HS6ST3: variants seen among roughly 807,000 people sequenced by gnomAD.
HS6ST3 encodes the protein heparan sulfate 6-O-sulfotransferase 3.
HS6ST3 carries 12 observed loss-of-function variants against 36.7 expected under a neutral mutation model. That is an observed-to-expected ratio of 0.33 (90% confidence interval 0.21 to 0.53). The LOEUF (loss-of-function observed/expected upper bound fraction) is 0.53, where lower values mean the gene tolerates loss of function less well. Among genes scored for constraint, HS6ST3 ranks in the 20% least tolerant of loss-of-function variants. HS6ST3 has a pLI of 0.95. For missense variants in HS6ST3, 584 were observed against 640.9 expected (o/e 0.91, Z 0.96); for synonymous variants, 240 against 257.5 (o/e 0.93, Z 0.65).
At chr13:96,199,642 T>A (rs1359540260) in intron 1 of HS6ST3, among the ~76,000 whole-genome samples, 1 of 152,230 alleles carries the variant, frequency 6.6e-6, no homozygotes, top group Non-Finnish European at 1.5e-5. Flanking sequence ...ATTGCATTTT[T>A]AATTTTAAAA....
chr13:96,178,763 G>C (rs187655410), intron 1 of HS6ST3, among the ~76,000 whole-genome samples: 364 of 152,206 alleles, frequency 2.4e-3, no homozygotes, highest in Middle Eastern at 0.017. Flanking sequence ...TTTCTTCATA[G>C]ATGGGGAGTA....
intron 1 of HS6ST3, among the ~76,000 whole-genome samples, chr13:96,107,142 A>C (rs1045822942): frequency 1.3e-5 from 2 of 152,188 alleles, no homozygotes; most frequent in African/African-American, 4.8e-5. Context: ...TGGGTGATAC[A>C]CAATAAGAAA....
In HS6ST3 at chr13:96,293,629, A is replaced by C. The variant is rs148239990; in HGVS notation, c.707+202060A>C. Among the ~76,000 whole-genome samples, 108 of 152,230 alleles carry C rather than the reference A, an allele frequency of 7.1e-4. 2 individuals carry two copies. Among genetic ancestry groups the C allele is most frequent in the African/African-American group, 2.5e-3 (104 of 41,566 alleles). ...TAGATTGTTGTTAATTCAGTATTTC[A>C]TAAGTATTACATATTTTTCCTTTAA... is the stretch of plus-strand genomic sequence containing the variant. On this transcript the variant is annotated intron_variant, in intron 1 of 1. Coordinates refer to ENST00000376705, the MANE Select transcript of HS6ST3 (RefSeq NM_153456.4).
At chr13:96,195,634 G>A (rs1210370453) in intron 1 of HS6ST3, among the ~76,000 whole-genome samples, 1 of 152,172 alleles carries the variant, frequency 6.6e-6, no homozygotes, top group Non-Finnish European at 1.5e-5. Flanking sequence ...TATAAGGATG[G>A]GAGTGAGCTC....
At chr13:96,423,920 A>G (rs752392166) in intron 1 of HS6ST3, among the ~76,000 whole-genome samples, 1 of 152,192 alleles carries the variant, frequency 6.6e-6, no homozygotes, top group Non-Finnish European at 1.5e-5. Context: ...TTCCCCAAAC[A>G]TGCGATTGTA....
At chr13:96,656,998 T>TGTGTGTGTGTGA (rs1397374817) in intron 1 of HS6ST3, among the ~76,000 whole-genome samples, 10 of 98,278 alleles carry the variant, frequency 1.0e-4, no homozygotes, top group South Asian at 4.4e-4. Flanking sequence ...TGTGTGTGTG[T>TGTGTGTGTGTGA]GAGAGAGAGA....
At chr13:96,437,210 C>G (rs2055647257) in intron 1 of HS6ST3, among the ~76,000 whole-genome samples, 1 of 152,196 alleles carries the variant, frequency 6.6e-6, no homozygotes. Context: ...CATGCACATC[C>G]AGATCAGGCC....
intron 1 of HS6ST3, among the ~76,000 whole-genome samples, chr13:96,254,493 A>G (rs1169937443): frequency 3.7e-5 from 1 of 27,264 alleles, no homozygotes; most frequent in African/African-American, 1.3e-4. Context: ...ATATATATAT[A>G]TATATACACA....
At chr13:96,121,825 C>G (rs1260078860) in intron 1 of HS6ST3, among the ~76,000 whole-genome samples, 1 of 152,120 alleles carries the variant, frequency 6.6e-6, no homozygotes. Flanking sequence ...AAGAGAAACT[C>G]ACAATATTAC....
At chr13:96,497,564 C>T in intron 1 of HS6ST3, among the ~76,000 whole-genome samples, 1 of 152,128 alleles carries the variant, frequency 6.6e-6, no homozygotes, top group Admixed American at 6.5e-5. Context: ...TCTAACTCCT[C>T]CCCCAGCCCC....
At chr13:96,706,416 TA>T (rs1566434587) in intron 1 of HS6ST3, among the ~76,000 whole-genome samples, 30 of 92,024 alleles carry the variant, frequency 3.3e-4, no homozygotes, top group African/African-American at 1.2e-3. Flanking sequence ...ATATATTTTA[TA>T]TATATATATA....
intron 1 of HS6ST3, among the ~76,000 whole-genome samples, chr13:96,489,238 C>A (rs1276696653): frequency 1.3e-5 from 2 of 151,824 alleles, no homozygotes; most frequent in Non-Finnish European, 2.9e-5. Flanking sequence ...ACCAAGGCTT[C>A]TTATAGCAAA....
chr13:96,119,634 G>T (rs878973872), intron 1 of HS6ST3, among the ~76,000 whole-genome samples: 1 of 152,068 alleles, frequency 6.6e-6, no homozygotes, highest in African/African-American at 2.4e-5. Flanking sequence ...AATTTGCATC[G>T]GATCTATCCC....
chr13:96,754,547 T>C (rs1876777703), intron 1 of HS6ST3, among the ~76,000 whole-genome samples: 1 of 152,220 alleles, frequency 6.6e-6, no homozygotes, highest in African/African-American at 2.4e-5. Context: ...CCTCTTTTTC[T>C]ATCCCACTTT....
chr13:96,723,077 TG>T (rs1322963411), intron 1 of HS6ST3, among the ~76,000 whole-genome samples: 1 of 151,986 alleles, frequency 6.6e-6, no homozygotes, highest in Non-Finnish European at 1.5e-5. Flanking sequence ...GATTGCTCAT[TG>T]TATACCCAAT....
chr13:96,207,235 A>T (rs1261851613), intron 1 of HS6ST3, among the ~76,000 whole-genome samples: 1 of 152,234 alleles, frequency 6.6e-6, no homozygotes, highest in Non-Finnish European at 1.5e-5. Flanking sequence ...AGGGAAATGC[A>T]AATCAAAACC....
chr13:96,831,045 C>A (rs1221450708), intron 1 of HS6ST3, among the ~76,000 whole-genome samples: 2 of 152,294 alleles, frequency 1.3e-5, no homozygotes, highest in East Asian at 3.9e-4. Flanking sequence ...GCAGCCCATT[C>A]CATTGGTAGG....
At chr13:96,721,970 G>C (rs943853349) in intron 1 of HS6ST3, among the ~76,000 whole-genome samples, 1 of 152,136 alleles carries the variant, frequency 6.6e-6, no homozygotes, top group African/African-American at 2.4e-5. Flanking sequence ...TGGTTACCCT[G>C]TATGAAATAC....
chr13:96,484,667 G>A (rs927588075), intron 1 of HS6ST3, among the ~76,000 whole-genome samples: 12 of 152,176 alleles, frequency 7.9e-5, no homozygotes, highest in Middle Eastern at 3.4e-3. Context: ...TGGTGTGGCC[G>A]TTGGCAGGAT....
Sources: allele counts gnomAD v4.1 joint callset (sites outside exome capture counted in the v4.1 genomes callset), GRCh38; gene constraint gnomAD v4.1.1; transcripts MANE v1.5; gene names NCBI Gene and HGNC (gene_info 2026-07-23, HGNC 2026-07-21).